Variants in PEX13 observed in about 807,000 individuals in gnomAD.
PEX13 encodes peroxisomal biogenesis factor 13, also known as peroxisome biogenesis factor 13.
A neutral mutation model predicts 34.5 loss-of-function variants in PEX13; 28 were observed. The observed-to-expected ratio is 0.81, with a 90% confidence interval of 0.60 to 1.11. The LOEUF (loss-of-function observed/expected upper bound fraction) is 1.11, where lower values mean the gene tolerates loss of function less well. Ranked by LOEUF, PEX13 falls within the 50% of genes most tolerant of loss-of-function variation. The probability of loss-of-function intolerance (pLI) is 0.00; values close to 1 mark genes in which losing one functional copy is unlikely to be tolerated. For synonymous variants in PEX13, 177 were observed against 175.1 expected (o/e 1.01, Z -0.09); for missense variants, 550 against 491.0 (o/e 1.12, Z -1.13).
At chr2:61,028,756 G>A (rs116293373) in intron 1 of PEX13, among the ~76,000 whole-genome samples, 2,969 of 152,100 alleles carry the variant, frequency 0.02, 93 homozygotes, top group African/African-American at 0.067. Flanking sequence ...TGAAAAAATG[G>A]GATTGTTCTC....
At chr2:61,023,732 CTT>C (rs375431867) in intron 1 of PEX13, among the ~76,000 whole-genome samples, 11 of 130,190 alleles carry the variant, frequency 8.4e-5, no homozygotes, top group African/African-American at 8.5e-5. Flanking sequence ...TTCCTGACTT[CTT>C]TTTTTTTTTT....
chr2:61,040,995 G>C (rs1432889477), intron 2 of PEX13, among the ~76,000 whole-genome samples: 1 of 151,868 alleles, frequency 6.6e-6, no homozygotes, highest in Non-Finnish European at 1.5e-5. Flanking sequence ...ATGGTGGCTT[G>C]GCTCAGCATG....
At chr2:61,048,134 T>G (rs1190591378) in intron 3 of PEX13, among the ~76,000 whole-genome samples, 2 of 152,338 alleles carry the variant, frequency 1.3e-5, no homozygotes, top group East Asian at 3.8e-4. Flanking sequence ...AAGATATTCA[T>G]TTTTTAGACT....
chr2:61,018,622 C>G (rs2104791568), intron 1 of PEX13: 1 of 178,798 alleles, frequency 5.6e-6, no homozygotes, highest in African/African-American at 2.4e-5. Context: ...ATTCAAATGT[C>G]AAATCACCTA....
At chr2:61,048,429 C>T (rs1404460545) in intron 3 of PEX13, 43 bp from the exon 4 acceptor site, 1 of 1,546,420 alleles carries the variant, frequency 6.5e-7, no homozygotes, top group Non-Finnish European at 8.9e-7. Flanking sequence ...GTTGGACCTC[C>T]AAAGTATATT....
intron 2 of PEX13, among the ~76,000 whole-genome samples, chr2:61,044,682 G>A (rs1281515106): frequency 6.6e-6 from 1 of 152,176 alleles, no homozygotes; most frequent in East Asian, 1.9e-4. Context: ...CACCACGCCT[G>A]ACCTATATTC....
intron 2 of PEX13, 33 bp from the exon 3 acceptor site, chr2:61,045,693 A>G: frequency 6.2e-7 from 1 of 1,606,034 alleles, no homozygotes; most frequent in Non-Finnish European, 8.5e-7. Context: ...TCTTTTGTAA[A>G]TTTTATTAAC....
rs191392941 is a variant in PEX13, at chr2:61,045,133, A to G, written c.788-593A>G. ...CTAATAAATATGCTCAATTAAAACC[A>G]CATACTCATAGACTCATATTAGGAT... On this transcript the variant is annotated intron_variant, in intron 2 of 3. Coordinates refer to ENST00000295030, the MANE Select transcript of PEX13 (RefSeq NM_002618.4). 8.8e-3 allele frequency among the ~76,000 whole-genome samples: 1,338 copies of G among 152,344 alleles called. 19 individuals are homozygous for G. The highest frequency in any genetic ancestry group is 0.031 in the African/African-American group (1,296 of 41,572).
chr2:61,030,971 G>T (rs1680439657), intron 1 of PEX13, among the ~76,000 whole-genome samples: 1 of 152,094 alleles, frequency 6.6e-6, no homozygotes, highest in Non-Finnish European at 1.5e-5. Context: ...CTCTGTGAGT[G>T]TACTAAAACC....
At chr2:61,044,336 T>G (rs1307774529) in intron 2 of PEX13, among the ~76,000 whole-genome samples, 1 of 152,072 alleles carries the variant, frequency 6.6e-6, no homozygotes, top group Non-Finnish European at 1.5e-5. Context: ...TAGTGCAGTC[T>G]CGGCTCACTG....
At chr2:61,021,163 C>G (rs1419955551) in intron 1 of PEX13, among the ~76,000 whole-genome samples, 2 of 152,280 alleles carry the variant, frequency 1.3e-5, no homozygotes, top group South Asian at 2.1e-4. Context: ...CTCACTGGGA[C>G]TGGTTGAACA....
intron 2 of PEX13, among the ~76,000 whole-genome samples, chr2:61,036,935 A>G (rs569692549): frequency 1.9e-4 from 29 of 152,116 alleles, no homozygotes; most frequent in Non-Finnish European, 3.1e-4. Context: ...ATGGAGGAAG[A>G]TCTACCAAGC....
intron 2 of PEX13, among the ~76,000 whole-genome samples, chr2:61,034,205 C>T (rs1680497608): frequency 6.6e-6 from 1 of 152,130 alleles, no homozygotes; most frequent in Non-Finnish European, 1.5e-5. Context: ...CCGTGTTGCC[C>T]AGACTGGTCT....
chr2:61,019,625 G>A (rs991364115), intron 1 of PEX13, among the ~76,000 whole-genome samples: 2 of 151,834 alleles, frequency 1.3e-5, no homozygotes, highest in Admixed American at 6.6e-5. Context: ...ACTAATTGTC[G>A]CAGCACCATT....
Position 61,048,993 on chromosome 2 carries a change from T to C in PEX13, c.*223T>C, listed in dbSNP as rs767584678. 1 of 541,338 alleles carries C rather than the reference T, an allele frequency of 1.8e-6. No individual in the cohort carries two copies. The highest frequency in any genetic ancestry group is 3.3e-6 in the Non-Finnish European group (1 of 304,092). 33.5% of individuals were successfully genotyped at this position (541,338 alleles called of 1,614,324 possible). The stretch of plus-strand genomic sequence containing the variant: ...GGACCATAAGGACATTTGTTTCACC[T>C]AGATTTTAAGATTATGGAGACTGCT... On this transcript the variant is annotated 3_prime_UTR_variant, in exon 4 of 4. Transcript: ENST00000295030.
chr2:61,042,130 A>T (rs1368568202), intron 2 of PEX13, among the ~76,000 whole-genome samples: 2 of 152,236 alleles, frequency 1.3e-5, no homozygotes, highest in Non-Finnish European at 2.9e-5. Flanking sequence ...ATGTTTTAAA[A>T]ATTGAAATAA....
At chr2:61,041,361 A>G (rs1435170001) in intron 2 of PEX13, among the ~76,000 whole-genome samples, 1 of 152,168 alleles carries the variant, frequency 6.6e-6, no homozygotes, top group Non-Finnish European at 1.5e-5. Flanking sequence ...AATATAAGTG[A>G]ATGATACTAC....
chr2:61,027,329 ACT>A (rs1242202595), intron 1 of PEX13, among the ~76,000 whole-genome samples: 4 of 139,922 alleles, frequency 2.9e-5, no homozygotes, highest in East Asian at 2.0e-4. Context: ...ACAGAGTGAG[ACT>A]CTGTCTCAAA....
rs1315705704 is a variant in PEX13 at position 61,048,574 on chromosome 2, G to T, written c.1016G>T (p.Gly339Val). Residue 339 changes from glycine to valine, a missense_variant, in exon 4 of 4, where the codon GGT becomes GTT. Gly to Val is a moderately radical substitution (Grantham distance 109, BLOSUM62 -3). Coordinates refer to ENST00000295030, the MANE Select transcript of PEX13 (RefSeq NM_002618.4). ...NYVKILGKRK[G>V]RKTVESSKVS... ...GTCAAAATTCTTGGCAAAAGAAAAGGTAGGAAAACGGTGGAATCAAGTAAA... is the reference window on the plus strand; with the variant it reads ...GTCAAAATTCTTGGCAAAAGAAAAGTTAGGAAAACGGTGGAATCAAGTAAA... 3.1e-6 allele frequency: 5 copies of T among 1,614,102 alleles called. No individual in the cohort carries two copies.
Sources: allele counts gnomAD v4.1 joint callset (sites outside exome capture counted in the v4.1 genomes callset), GRCh38; gene constraint gnomAD v4.1.1; transcripts MANE v1.5; gene names NCBI Gene and HGNC (gene_info 2026-07-23, HGNC 2026-07-21).